The following CFTR variants were observed in gnomAD, a reference collection of about 807,000 sequenced individuals.
CFTR encodes the protein cystic fibrosis transmembrane conductance regulator.
Under a neutral mutation model 171.6 loss-of-function variants are expected in CFTR, and 181 were observed. That is an observed-to-expected ratio of 1.05 (90% CI 0.93 to 1.19). The LOEUF (loss-of-function observed/expected upper bound fraction) is 1.19, where lower values mean the gene tolerates loss of function less well. Among genes scored for constraint, CFTR ranks in the 50% most tolerant of loss-of-function variants. CFTR has a pLI of 0.00. For missense variants in CFTR, 1,968 were observed against 1,734.7 expected, an observed-to-expected ratio of 1.13 and a Z score of -2.39; for synonymous variants, 583 against 608.0, an observed-to-expected ratio of 0.96 and a Z score of 0.60.
chr7:117,646,620 G>T (rs1289811327), intron 23 of CFTR, among the ~76,000 whole-genome samples: 1 of 152,124 alleles, frequency 6.6e-6, no homozygotes, highest in Admixed American at 6.6e-5. Flanking sequence ...TGAGGAAGAG[G>T]CTGGTGAAAG....
intron 21 of CFTR, 31 bp from the exon 22 acceptor site, chr7:117,627,491 A>T: frequency 6.2e-7 from 1 of 1,611,522 alleles, no homozygotes; most frequent in Non-Finnish European, 8.5e-7. Flanking sequence ...TGCCATTCTT[A>T]AAAACAAAAA....
At chr7:117,539,682 G>A (rs1004169274) in intron 7 of CFTR, among the ~76,000 whole-genome samples, 2 of 151,696 alleles carry the variant, frequency 1.3e-5, no homozygotes, top group African/African-American at 4.8e-5. Flanking sequence ...TTGCAATGTT[G>A]TTCTCATTTC....
intron 3 of CFTR, among the ~76,000 whole-genome samples, chr7:117,516,926 T>C (rs937908968): frequency 6.6e-6 from 1 of 152,180 alleles, no homozygotes; most frequent in Non-Finnish European, 1.5e-5. Context: ...AAAGTGGAGA[T>C]AATGATAGCA....
chr7:117,553,425 G>T (rs1384944462), intron 10 of CFTR, among the ~76,000 whole-genome samples: 3 of 152,068 alleles, frequency 2.0e-5, no homozygotes, highest in Admixed American at 2.0e-4. Flanking sequence ...GTATCAGTAG[G>T]CTTCCTATAA....
intron 21 of CFTR, 65 bp from the exon 22 acceptor site, chr7:117,627,457 C>G (rs213989): frequency 6.5e-7 from 1 of 1,543,278 alleles, no homozygotes; most frequent in Admixed American, 1.7e-5. Context: ...TTTTAGGAAG[C>G]ATCAAACTAA....
intron 1 of CFTR, among the ~76,000 whole-genome samples, chr7:117,483,661 G>A (rs991673521): frequency 6.6e-6 from 1 of 152,056 alleles, no homozygotes; most frequent in Admixed American, 6.5e-5. Flanking sequence ...CTGGGCTCAA[G>A]TGAGCCTTCC....
At chr7:117,581,159 G>T (rs2115999727) in intron 11 of CFTR, among the ~76,000 whole-genome samples, 1 of 152,168 alleles carries the variant, frequency 6.6e-6, no homozygotes, top group Non-Finnish European at 1.5e-5. Context: ...TCTTGTCTGG[G>T]AATATCATGT....
chr7:117,618,946 A>C (rs1443941992), intron 21 of CFTR, among the ~76,000 whole-genome samples: 2 of 152,218 alleles, frequency 1.3e-5, no homozygotes, highest in Admixed American at 1.3e-4. Flanking sequence ...TTGATATCTC[A>C]ATGTTTTAAA....
chr7:117,510,001 G>T (rs1798490103), intron 3 of CFTR, among the ~76,000 whole-genome samples: 1 of 152,060 alleles, frequency 6.6e-6, no homozygotes, highest in South Asian at 2.1e-4. Flanking sequence ...TACATTGCTT[G>T]AAAAATTTCA....
chr7:117,650,581 C>T (rs1211932978), intron 23 of CFTR, among the ~76,000 whole-genome samples: 1 of 152,094 alleles, frequency 6.6e-6, no homozygotes, highest in African/African-American at 2.4e-5. Flanking sequence ...TGGCCTTCCC[C>T]CTACCATCCT....
rs141479978 is a variant in CFTR at position 117,494,363 on chromosome 7, T to C, written c.54-9890T>C. 7.9e-5 allele frequency among the ~76,000 whole-genome samples: 12 copies of C among 152,214 alleles called. No individual in the cohort carries two copies. The East Asian group carries it at 1.9e-3, about 24-fold the overall frequency. On this transcript the variant is annotated intron_variant, in intron 1 of 26. Transcript: ENST00000003084. ...CACATAGTGAGAGGTCATTACATCATTTGGTTGTTGAAAGTCATAAGGATG... is the reference window on the plus strand; with the variant it reads ...CACATAGTGAGAGGTCATTACATCACTTGGTTGTTGAAAGTCATAAGGATG...
chr7:117,557,047 GACGCTTTTTT>G (rs1350850106), intron 10 of CFTR, among the ~76,000 whole-genome samples: 1 of 151,432 alleles, frequency 6.6e-6, no homozygotes, highest in East Asian at 1.9e-4. Flanking sequence ...TTAGATGTTT[GACGCTTTTTT>G]AAAAAGCTGT....
intron 1 of CFTR, among the ~76,000 whole-genome samples, chr7:117,481,946 TA>T (rs1285221216): frequency 6.6e-6 from 1 of 152,234 alleles, no homozygotes; most frequent in Non-Finnish European, 1.5e-5. Context: ...ACTTGACCTT[TA>T]AAATTTGGAG....
At chr7:117,648,263 A>G (rs945468015) in intron 23 of CFTR, among the ~76,000 whole-genome samples, 1 of 151,864 alleles carries the variant, frequency 6.6e-6, no homozygotes, top group African/African-American at 2.4e-5. Flanking sequence ...TGTAATTTAT[A>G]TTACATCCAG....
intron 10 of CFTR, 30 bp from the exon 11 acceptor site, chr7:117,559,434 T>G: frequency 7.0e-7 from 1 of 1,419,102 alleles, no homozygotes; most frequent in Non-Finnish European, 1.0e-6. Context: ...GATTTGATAA[T>G]GACCTAATAA....
intron 1 of CFTR, among the ~76,000 whole-genome samples, chr7:117,503,790 G>A (rs947069981): frequency 2.0e-5 from 3 of 152,142 alleles, no homozygotes; most frequent in African/African-American, 7.2e-5. Flanking sequence ...TCATTACTGA[G>A]TATGCATGCT....
chr7:117,524,682 G>A (rs1012151207), intron 3 of CFTR, among the ~76,000 whole-genome samples: 8 of 152,094 alleles, frequency 5.3e-5, no homozygotes, highest in Admixed American at 5.2e-4. Context: ...ATGGAACTTT[G>A]TAAAAAACAT....
rs996758542 is a variant in CFTR, at chr7:117,540,303, T to C, written c.1073T>C (p.Val358Ala). 6.2e-7 allele frequency: 1 copy of C among 1,614,000 alleles called. No individual in the cohort carries two copies. Among genetic ancestry groups the C allele is most frequent in the South Asian group, 1.1e-5 (1 of 91,080 alleles). Residue 358 changes from valine to alanine, a missense_variant, in exon 8 of 27, where the codon GTA becomes GCA. Physicochemically the swap from Val to Ala is moderately conservative, Grantham distance 64 (BLOSUM62 0). Coordinates refer to ENST00000003084, the MANE Select transcript of CFTR (RefSeq NM_000492.4). ...MAVTRQFPWA[V>A]QTWYDSLGAI... is the part of the protein sequence containing the mutation. Reference sequence around the variant, plus strand: ...GTCACTCGGCAATTTCCCTGGGCTGTACAAACATGGTATGACTCTCTTGGA... The same window carrying C: ...GTCACTCGGCAATTTCCCTGGGCTGCACAAACATGGTATGACTCTCTTGGA...
At position 117,542,084 on chromosome 7, in the gene CFTR, G is replaced by C; in HGVS notation, c.1185G>C (p.Glu395Asp). 6.3e-7 allele frequency: 1 copy of C among 1,596,566 alleles called. No individual in the cohort carries two copies. The highest frequency in any genetic ancestry group is 8.6e-7 in the Non-Finnish European group (1 of 1,164,132). ...TAACGACTACAGAAGTAGTGATGGA[G>C]AATGTAACAGCCTTCTGGGAGGAGG... ...YNLTTTEVVM[E>D]NVTAFWEEGF... Residue 395 changes from glutamate (E) to aspartate (D), a missense_variant, in exon 9 of 27, where the codon GAG becomes GAC. Transcript: ENST00000003084.
Sources: gnomAD v4.1 joint callset for allele counts (sites outside exome capture counted in the v4.1 genomes callset) on GRCh38, gnomAD v4.1.1 for gene constraint, MANE v1.5 for transcripts, NCBI Gene and HGNC (gene_info 2026-07-23, HGNC 2026-07-21) for gene names.